TGM4: variants seen among roughly 807,000 people sequenced by gnomAD.
TGM4 encodes protein-glutamine gamma-glutamyltransferase 4.
A neutral mutation model predicts 76.3 loss-of-function variants in TGM4; 61 were observed. The observed-to-expected ratio is 0.80, with a 90% CI of 0.65 to 0.99. The LOEUF (loss-of-function observed/expected upper bound fraction) is 0.99, where lower values mean the gene tolerates loss of function less well. TGM4 is among the 50% of genes least tolerant of loss of function. TGM4 has a pLI of 0.00. For missense variants in TGM4, 794 were observed against 843.2 expected (o/e 0.94, Z 0.72); for synonymous variants, 337 against 329.8 (o/e 1.02, Z -0.24).
chr3:44,889,308 G>A (rs1024831184), intron 3 of TGM4: 12 of 151,950 alleles, frequency 7.9e-5, no homozygotes, highest in Non-Finnish European at 1.6e-4. Context: ...GGCACTCAAG[G>A]CTACTTCTGC....
At chr3:44,903,650 G>A (rs367948916) in intron 8 of TGM4, 7 of 537,810 alleles carry the variant, frequency 1.3e-5, no homozygotes, top group East Asian at 3.1e-5. Context: ...GTCTCATGAG[G>A]TTCCCCCAGC....
chr3:44,882,936 G>A (rs182882655), intron 1 of TGM4, among the ~76,000 whole-genome samples: 1 of 152,340 alleles, frequency 6.6e-6, no homozygotes, highest in East Asian at 1.9e-4. Flanking sequence ...CCATTCCAGG[G>A]AGATAAGGTC....
Position 44,903,945 on chromosome 3 carries a change from G to A in TGM4, c.1033G>A (p.Gly345Ser), listed in dbSNP as rs904430641. The A allele has an allele frequency of 4.3e-6, 7 of 1,614,166 alleles. No individual in the cohort carries two copies. The highest frequency in any genetic ancestry group is 1.7e-5 in the Admixed American group (1 of 60,030). ...KRPDLPKGYD[G>S]WQAVDATPQE... ...ACCGGATCTGCCCAAGGGCTACGAC[G>A]GCTGGCAGGCTGTGGACGCAACGCC... Residue 345 changes from glycine to serine, a missense_variant, in exon 9 of 14, where the codon GGC becomes AGC. By Grantham distance (56) the Gly-to-Ser change is moderately conservative. Coordinates refer to ENST00000296125, the MANE Select transcript of TGM4 (RefSeq NM_003241.4).
At chr3:44,898,511 T>G (rs999907480) in intron 6 of TGM4, among the ~76,000 whole-genome samples, 4 of 152,178 alleles carry the variant, frequency 2.6e-5, no homozygotes, top group African/African-American at 9.7e-5. Context: ...ATCACAGAAC[T>G]TGGAACTCCC....
intron 4 of TGM4, 73 bp downstream of exon 4, chr3:44,890,805 C>A (rs1300443511): frequency 4.5e-6 from 7 of 1,555,572 alleles, no homozygotes; most frequent in Non-Finnish European, 6.1e-6. Context: ...AATGCATAGT[C>A]TATGAGCTTT....
At chr3:44,885,606 C>T (rs1312166563) in intron 2 of TGM4, 108 bp downstream of exon 2, 15 of 1,161,424 alleles carry the variant, frequency 1.3e-5, no homozygotes, top group Non-Finnish European at 1.8e-5. Flanking sequence ...GCCTTACCCT[C>T]CCTGATCCCC....
intron 1 of TGM4, among the ~76,000 whole-genome samples, chr3:44,882,055 C>A (rs1034622870): frequency 1.1e-5 from 1 of 90,270 alleles, no homozygotes; most frequent in Admixed American, 1.4e-4. Flanking sequence ...AAAATACAAA[C>A]GCTTTTTTTT....
intron 2 of TGM4, among the ~76,000 whole-genome samples, chr3:44,886,038 T>C (rs901567361): frequency 6.6e-6 from 1 of 152,170 alleles, no homozygotes; most frequent in African/African-American, 2.4e-5. Flanking sequence ...ATGTTGTTTT[T>C]AAGTTTTAAA....
intron 1 of TGM4, among the ~76,000 whole-genome samples, chr3:44,877,272 C>A (rs948887546): frequency 2.0e-5 from 3 of 152,066 alleles, no homozygotes; most frequent in African/African-American, 7.2e-5. Context: ...CATGGTGAAA[C>A]CCCGTCTCTA....
At chr3:44,910,801 A>T (rs112083737) in intron 11 of TGM4, among the ~76,000 whole-genome samples, 157 bp from the exon 12 acceptor site, 1 of 152,198 alleles carries the variant, frequency 6.6e-6, no homozygotes, top group Non-Finnish European at 1.5e-5. Context: ...TTCCATCTTG[A>T]GCCCAACGTC....
intron 13 of TGM4, 149 bp downstream of exon 13, chr3:44,911,555 G>T: frequency 1.2e-6 from 1 of 865,542 alleles, no homozygotes; most frequent in Non-Finnish European, 1.7e-6. Flanking sequence ...TTTGAGAAAA[G>T]ATTGCATCAA....
At chr3:44,898,935 G>A (rs1199643395) in intron 6 of TGM4, among the ~76,000 whole-genome samples, 2 of 152,044 alleles carry the variant, frequency 1.3e-5, no homozygotes, top group African/African-American at 2.4e-5. Context: ...ACAAGTAAAG[G>A]AGACCAAGTC....
At chr3:44,892,981 G>T (rs1379137809) in intron 4 of TGM4, among the ~76,000 whole-genome samples, 1 of 152,090 alleles carries the variant, frequency 6.6e-6, no homozygotes, top group African/African-American at 2.4e-5. Flanking sequence ...CCCCTCATTG[G>T]GAATGTTAAA....
chr3:44,910,921 T>C (rs771804117), intron 11 of TGM4, 37 bp from the exon 12 acceptor site: 15 of 1,604,706 alleles, frequency 9.3e-6, no homozygotes, highest in Non-Finnish European at 1.1e-5. Context: ...GGGGGTATGA[T>C]GAATGACCTC....
intron 1 of TGM4, among the ~76,000 whole-genome samples, chr3:44,884,330 G>A (rs1166933102): frequency 6.6e-6 from 1 of 152,164 alleles, no homozygotes; most frequent in African/African-American, 2.4e-5. Context: ...TAGATAAAGG[G>A]GAGGGGTTTG....
chr3:44,886,707 C>T (rs1026833768), intron 2 of TGM4, among the ~76,000 whole-genome samples: 5 of 152,252 alleles, frequency 3.3e-5, no homozygotes, highest in African/African-American at 1.2e-4. Flanking sequence ...GAATCACTCA[C>T]TCAACAAATA....
chr3:44,901,743 G>A, intron 7 of TGM4, 45 bp downstream of exon 7: 1 of 1,612,698 alleles, frequency 6.2e-7, no homozygotes, highest in Non-Finnish European at 8.5e-7. Context: ...CCCAAGGGAG[G>A]GACTCCCAGC....
chr3:44,903,711 G>A, intron 8 of TGM4, 173 bp from the exon 9 acceptor site: 1 of 639,508 alleles, frequency 1.6e-6, no homozygotes. Context: ...TGAGAGGCAG[G>A]TGGGACTCAC....
intron 10 of TGM4, among the ~76,000 whole-genome samples, chr3:44,909,539 C>T (rs1699971729): frequency 6.6e-6 from 1 of 152,114 alleles, no homozygotes; most frequent in South Asian, 2.1e-4. Flanking sequence ...TGAGGGTTTC[C>T]AGGGAATCGC....
Sources: gnomAD v4.1 joint callset for allele counts (sites outside exome capture counted in the v4.1 genomes callset) on GRCh38, gnomAD v4.1.1 for gene constraint, MANE v1.5 for transcripts, NCBI Gene and HGNC (gene_info 2026-07-23, HGNC 2026-07-21) for gene names.